MIDEAS: variants seen among roughly 807,000 people sequenced by gnomAD.
MIDEAS encodes mitotic deacetylase associated SANT domain protein.
MIDEAS carries 26 observed loss-of-function variants against 102.7 expected under a neutral mutation model. The observed-to-expected ratio is 0.25, with a 90% CI of 0.19 to 0.35. MIDEAS has a LOEUF of 0.35. MIDEAS is among the 10% of genes least tolerant of loss of function. MIDEAS has a pLI of 1.00. For synonymous variants in MIDEAS, 585 were observed against 591.0 expected (o/e 0.99, Z 0.15); for missense variants, 1,231 against 1,435.6 (o/e 0.86, Z 2.30).
At chr14:73,769,836 G>C (rs889266409) in intron 1 of MIDEAS, among the ~76,000 whole-genome samples, 3 of 151,538 alleles carry the variant, frequency 2.0e-5, no homozygotes, top group Admixed American at 6.6e-5. Context: ...TCCTGACCTG[G>C]TGATCTGCCC....
chr14:73,725,782 T>C lies in MIDEAS; in HGVS notation c.2485+251A>G, dbSNP rs2053052500. Among the ~76,000 whole-genome samples the C allele has an allele frequency of 6.6e-6, 1 of 152,182 alleles. No homozygotes were observed. Among genetic ancestry groups the C allele is most frequent in the Non-Finnish European group, 1.5e-5 (1 of 68,032 alleles). ...GATGGCTCTCCATGGGTTCCTGTCC[T>C]TGTGGCCTGGGCTTTTTTGCCTGGA... is the stretch of plus-strand genomic sequence containing the variant. On this transcript the variant is annotated intron_variant, in intron 8 of 12. Coordinates refer to ENST00000423556, the MANE Select transcript of MIDEAS (RefSeq NM_001367710.1). This position sits in a 1 kb window ranked among gnomAD's most constrained non-coding sequence, Gnocchi z 4.1.
intron 1 of MIDEAS, among the ~76,000 whole-genome samples, chr14:73,741,462 C>G (rs2053280416): frequency 6.6e-6 from 1 of 152,038 alleles, no homozygotes; most frequent in Admixed American, 6.5e-5. Flanking sequence ...ACAGCTCGGG[C>G]GGCTCTGAAG....
At chr14:73,758,215 A>G (rs1372467303) in intron 1 of MIDEAS, among the ~76,000 whole-genome samples, 2 of 152,222 alleles carry the variant, frequency 1.3e-5, no homozygotes, top group Non-Finnish European at 2.9e-5. Context: ...CAGTTGGAAA[A>G]GGAAGACCTA....
chr14:73,722,690 G>A lies in MIDEAS; in HGVS notation c.2724+8C>T, dbSNP rs752128463. 2 of 1,613,524 alleles carry A rather than the reference G, an allele frequency of 1.2e-6. No individual in the cohort carries two copies. The highest frequency in any genetic ancestry group is 4.5e-5 in the East Asian group (2 of 44,872). Reference sequence around the variant, plus strand: ...GCTCTATGCAGCTGAGGTTGGAAAAGGAGTCACCTTAATATCCACTTCAAC... The same window carrying A: ...GCTCTATGCAGCTGAGGTTGGAAAAAGAGTCACCTTAATATCCACTTCAAC... On this transcript the variant is annotated splice_region_variant and intron_variant, in intron 10 of 12. Coordinates refer to ENST00000423556, the MANE Select transcript of MIDEAS (RefSeq NM_001367710.1).
In MIDEAS at chr14:73,715,235, A is replaced by C. The variant is rs1043645320; in HGVS notation, c.*3608T>G. 6.6e-6 allele frequency: 1 copy of C among 152,646 alleles called. No individual in the cohort carries two copies. Among genetic ancestry groups the C allele is most frequent in the Non-Finnish European group, 1.5e-5 (1 of 68,034 alleles). The allele number at this position is 152,646 out of a possible 1,614,324, so 9.5% of individuals were successfully genotyped here. On this transcript the variant is annotated 3_prime_UTR_variant, in exon 13 of 13. Coordinates refer to ENST00000423556, the MANE Select transcript of MIDEAS (RefSeq NM_001367710.1). ...CATCAGCAAGATTCTTTAGTGTATT[A>C]ATTTTTTTCTTATAAAAAGCACACA...
Position 73,749,185 on chromosome 14 carries a change from T to C in MIDEAS, c.-247-8930A>G, listed in dbSNP as rs1009869395. On this transcript the variant is annotated intron_variant, in intron 1 of 12. Coordinates refer to ENST00000423556, the MANE Select transcript of MIDEAS (RefSeq NM_001367710.1). ...CAGCAAAATACACACAAATACACAC[T>C]CTTCTCAAGAGCACACAGATACTGC... Among the ~76,000 whole-genome samples, 6 of 152,156 alleles carry C rather than the reference T, an allele frequency of 3.9e-5. No individual in the cohort carries two copies. In the East Asian group the frequency reaches 9.6e-4, roughly 24 times the overall value.
chr14:73,754,743 C>G (rs1298396966), intron 1 of MIDEAS, among the ~76,000 whole-genome samples: 1 of 152,144 alleles, frequency 6.6e-6, no homozygotes, highest in Non-Finnish European at 1.5e-5. Context: ...GAACTGCCAG[C>G]TCACATGCCG....
chr14:73,741,484 G>A (rs2053280630), intron 1 of MIDEAS, among the ~76,000 whole-genome samples: 1 of 152,096 alleles, frequency 6.6e-6, no homozygotes, highest in African/African-American at 2.4e-5. Context: ...GGAAATCTCA[G>A]GCCCTAGATG....
chr14:73,787,514 G>C (rs930698062), upstream of MIDEAS: 1 of 152,388 alleles, frequency 6.6e-6, no homozygotes, highest in Admixed American at 6.5e-5. Flanking sequence ...AGGCTGGTCT[G>C]GAAGGTGGTG....
At chr14:73,743,092 GTCTGAC>G (rs2053303653) in intron 1 of MIDEAS, among the ~76,000 whole-genome samples, 1 of 152,100 alleles carries the variant, frequency 6.6e-6, no homozygotes, top group South Asian at 2.1e-4. Flanking sequence ...ACCCAGATCT[GTCTGAC>G]TCTAAGATCA....
chr14:73,772,070 G>T (rs891411124), intron 1 of MIDEAS, among the ~76,000 whole-genome samples: 4 of 152,218 alleles, frequency 2.6e-5, no homozygotes, highest in Non-Finnish European at 4.4e-5. Flanking sequence ...GCCAGCTGGG[G>T]GCTGGAGGCA....
At chr14:73,775,914 G>A (rs1280613152) in intron 1 of MIDEAS, among the ~76,000 whole-genome samples, 6 of 151,880 alleles carry the variant, frequency 4.0e-5, no homozygotes, top group Non-Finnish European at 8.8e-5. Context: ...CTCCTTTAGC[G>A]CTCTCAGAAA....
chr14:73,744,448 A>G (rs2053323720), intron 1 of MIDEAS, among the ~76,000 whole-genome samples: 1 of 152,230 alleles, frequency 6.6e-6, no homozygotes, highest in African/African-American at 2.4e-5. Context: ...TGACCTGGGG[A>G]TAACAGCTGA....
At chr14:73,727,117 G>C in intron 5 of MIDEAS, 145 bp from the exon 6 acceptor site, 1 of 1,052,330 alleles carries the variant, frequency 9.5e-7, no homozygotes, top group Non-Finnish European at 1.3e-6. Context: ...CTAGGGGCTT[G>C]GGAGGACAGC....
At chr14:73,757,945 G>C (rs1464225657) in intron 1 of MIDEAS, among the ~76,000 whole-genome samples, 3 of 152,224 alleles carry the variant, frequency 2.0e-5, no homozygotes, top group Non-Finnish European at 4.4e-5. Flanking sequence ...AGCTGACAGA[G>C]TCACGGGAGT....
At chr14:73,750,895 A>C (rs543307271) in intron 1 of MIDEAS, among the ~76,000 whole-genome samples, 36 of 152,368 alleles carry the variant, frequency 2.4e-4, no homozygotes, top group African/African-American at 7.9e-4. Flanking sequence ...CCAACATCAC[A>C]CAAACAAGGC....
chr14:73,787,024 C>T (rs2053818890), intron 1 of MIDEAS: 1 of 151,056 alleles, frequency 6.6e-6, no homozygotes, highest in South Asian at 2.1e-4. Flanking sequence ...CCCGCGCGGC[C>T]CAGCCCGAGC....
chr14:73,722,010 CCTTTT>C (rs1245676842), intron 10 of MIDEAS, among the ~76,000 whole-genome samples: 1 of 152,152 alleles, frequency 6.6e-6, no homozygotes, highest in Admixed American at 6.5e-5. Flanking sequence ...AGTAACCTTC[CCTTTT>C]AATTCTCTTT....
At position 73,739,894 on chromosome 14, in the gene MIDEAS, T is replaced by C. The variant is rs767611779; in HGVS notation, c.115A>G (p.Ile39Val). The C allele has an allele frequency of 5.7e-5, 89 of 1,565,304 alleles. No individual in the cohort carries two copies. Among genetic ancestry groups the C allele is most frequent in the Non-Finnish European group, 7.4e-5 (85 of 1,153,548 alleles). ...AGGTACTGCTCCTCCTTCACTCTGATGGACTGCTGGGGGGGCTGCAGGGGA... is the reference window on the plus strand; with the variant it reads ...AGGTACTGCTCCTCCTTCACTCTGACGGACTGCTGGGGGGGCTGCAGGGGA... ...PPPLQPPQQSIRVKEEQYLGH... is the reference protein window; with the variant it reads ...PPPLQPPQQSVRVKEEQYLGH... The change falls in exon 2 of 13, where the codon ATC (isoleucine) becomes GTC (valine). Residue 39 changes from isoleucine (I) to valine (V), a missense_variant. Physicochemically the swap from Ile to Val is conservative, Grantham distance 29. This residue lies in a region of MIDEAS where 758 missense variants were observed against 856.0 expected (regional missense o/e 0.89). Transcript: ENST00000423556.
Sources: gnomAD v4.1 joint callset for allele counts (sites outside exome capture counted in the v4.1 genomes callset) on GRCh38, gnomAD v4.1.1 for gene constraint, gnomAD v4.1.1 regional missense constraint, Gnocchi (gnomAD v3.1) non-coding constraint, MANE v1.5 for transcripts, NCBI Gene and HGNC (gene_info 2026-07-23, HGNC 2026-07-21) for gene names.